Variants in WASHC4 observed in about 807,000 individuals in gnomAD.
WASHC4 encodes the protein WASH complex subunit 4, also known as WASH complex subunit 7.
A neutral mutation model predicts 166.6 loss-of-function variants in WASHC4; 86 were observed. The ratio of observed to expected loss-of-function variants is 0.52; its 90% CI spans 0.43 to 0.62. The LOEUF is 0.62. Ranked by LOEUF, WASHC4 falls within the 20% of genes least tolerant of loss-of-function variation. The probability of loss-of-function intolerance (pLI) is 0.00; values close to 1 mark genes in which losing one functional copy is unlikely to be tolerated. For synonymous variants in WASHC4, 446 were observed against 451.6 expected, an observed-to-expected ratio of 0.99 and a Z score of 0.16; for missense variants, 1,262 against 1,382.4, an observed-to-expected ratio of 0.91 and a Z score of 1.38.
rs139869275 is a variant in WASHC4, at chr12:105,124,517, G to A, written c.787-1487G>A. ...TGTTTTTGAGATGGAGTCTTGCCCTGTCACCCAGGCTGGAGTGCAGTGGCG... is the reference window on the plus strand; with the variant it reads ...TGTTTTTGAGATGGAGTCTTGCCCTATCACCCAGGCTGGAGTGCAGTGGCG... On this transcript the variant is annotated intron_variant, in intron 10 of 32. Coordinates refer to ENST00000332180, the MANE Select transcript of WASHC4 (RefSeq NM_015275.3). Among the ~76,000 whole-genome samples the A allele has an allele frequency of 5.9e-3, 904 of 151,956 alleles. 18 individuals are homozygous for A. Among genetic ancestry groups the A allele is most frequent in the African/African-American group, 0.021 (854 of 41,420 alleles).
At chr12:105,136,081 G>A (rs1001299274) in intron 14 of WASHC4, among the ~76,000 whole-genome samples, 4 of 152,138 alleles carry the variant, frequency 2.6e-5, no homozygotes, top group African/African-American at 9.6e-5. Flanking sequence ...CTAGTAGGTT[G>A]ATCAAGATGA....
chr12:105,144,307 C>T lies in WASHC4; in HGVS notation c.2031C>T (p.Cys677=), dbSNP rs749656006. ...AATAGCATTTGCTGGACAAATTATG[C>T]AAAGAAATAGAGAAAGATCTGCGAC... ...ILNEHLLDKL[C]KEIEKDLRLS... The change falls in exon 21 of 33, where the codon TGC becomes TGT. Residue 677 remains cysteine (C), a synonymous_variant. Coordinates refer to ENST00000332180, the MANE Select transcript of WASHC4 (RefSeq NM_015275.3). 1 of 1,612,228 alleles carries T rather than the reference C, an allele frequency of 6.2e-7. No individual in the cohort carries two copies. The highest frequency in any genetic ancestry group is 8.5e-7 in the Non-Finnish European group (1 of 1,178,980).
At chr12:105,120,734 T>A in intron 8 of WASHC4, 137 bp downstream of exon 8, 1 of 690,524 alleles carries the variant, frequency 1.4e-6, no homozygotes. Flanking sequence ...TTGTGTGTGT[T>A]TGCATTTGTT....
Position 105,133,907 on chromosome 12 carries a change from C to T in WASHC4, c.1326+11C>T, listed in dbSNP as rs771991618. 3.1e-6 allele frequency: 5 copies of T among 1,609,310 alleles called. No homozygotes were observed. The South Asian group carries it at 4.4e-5, about 14-fold the overall frequency. On this transcript the variant is annotated intron_variant, in intron 14 of 32. Coordinates refer to ENST00000332180, the MANE Select transcript of WASHC4 (RefSeq NM_015275.3). ...AATGTTTTTATACAGGTAGTTGCATCTTATTTCGGGGAATCATTTTTTTGT... is the reference window on the plus strand; with the variant it reads ...AATGTTTTTATACAGGTAGTTGCATTTTATTTCGGGGAATCATTTTTTTGT...
intron 13 of WASHC4, among the ~76,000 whole-genome samples, chr12:105,127,650 A>G (rs527784892): frequency 5.9e-4 from 90 of 152,250 alleles, no homozygotes; most frequent in Non-Finnish European, 8.8e-4. Context: ...GGAGAGGTTG[A>G]GTTTTTCTTG....
At chr12:105,112,007 C>T (rs1423547715) in intron 2 of WASHC4, among the ~76,000 whole-genome samples, 1 of 152,148 alleles carries the variant, frequency 6.6e-6, no homozygotes, top group African/African-American at 2.4e-5. Context: ...ACGTTCTCAG[C>T]CCCCAAAAAA....
chr12:105,152,560 C>G (rs1017516279), intron 26 of WASHC4, 109 bp downstream of exon 26: 1 of 724,566 alleles, frequency 1.4e-6, no homozygotes. Flanking sequence ...CTGAGCTCAG[C>G]TTTACTCCAC....
intron 24 of WASHC4, chr12:105,149,378 C>T (rs1176766218): frequency 4.3e-5 from 45 of 1,057,308 alleles, no homozygotes; most frequent in Non-Finnish European, 4.9e-5. Context: ...CCACTTTTTT[C>T]TTTTCTTTTT....
chr12:105,164,236 T>C lies in WASHC4; in HGVS notation c.3283T>C (p.Ser1095Pro), dbSNP rs1884670436. 1.2e-6 allele frequency: 2 copies of C among 1,613,962 alleles called. No homozygotes were observed. The highest frequency in any genetic ancestry group is 1.3e-5 in the African/African-American group (1 of 74,918). ...RAVAKQQNVQ[S>P]ASQDEKLLQT... ...AGTTGCTAAGCAACAGAATGTACAG[T>C]CAGCCAGTCAAGATGAAAAACTCTT... is the stretch of plus-strand genomic sequence containing the variant. The change falls in exon 31 of 33, where the codon TCA becomes CCA. Residue 1095 changes from serine (S) to proline (P), a missense_variant. Transcript: ENST00000332180.
At position 105,142,569 on chromosome 12, in the gene WASHC4, A is replaced by T. The variant is rs1166835716; in HGVS notation, c.1893+11A>T. ...GCAGCCAGATTACATGTAAGTAAAGAACAATATAAAGAATAATTCTATCAT... is the reference window on the plus strand; with the variant it reads ...GCAGCCAGATTACATGTAAGTAAAGTACAATATAAAGAATAATTCTATCAT... On this transcript the variant is annotated intron_variant, in intron 19 of 32. Transcript: ENST00000332180. The T allele has an allele frequency of 7.5e-7, 1 of 1,338,560 alleles. No individual in the cohort carries two copies. Among genetic ancestry groups the T allele is most frequent in the Admixed American group, 1.7e-5 (1 of 59,608 alleles). The allele number at this position is 1,338,560 out of a possible 1,614,324, so 82.9% of individuals were successfully genotyped here. A position where few individuals can be genotyped will look rare whatever the true frequency, so the allele number is the denominator to read the frequency against.
At chr12:105,114,508 A>G (rs539833494) in intron 4 of WASHC4, 81 bp downstream of exon 4, 9 of 882,732 alleles carry the variant, frequency 1.0e-5, no homozygotes, top group African/African-American at 1.7e-5. Context: ...ACAGTGTGCA[A>G]TAAATATTTA....
At chr12:105,138,262 TTAATG>T (rs766860324) in intron 15 of WASHC4, among the ~76,000 whole-genome samples, 23 of 151,352 alleles carry the variant, frequency 1.5e-4, no homozygotes, top group Non-Finnish European at 2.8e-4. Flanking sequence ...AAAAAAAAAG[TTAATG>T]TAGTGAGAGA....
chr12:105,108,809 TGATTTAC>T (rs1174184296), intron 1 of WASHC4, among the ~76,000 whole-genome samples: 2 of 152,190 alleles, frequency 1.3e-5, no homozygotes, highest in Non-Finnish European at 2.9e-5. Flanking sequence ...GAATTTTGCT[TGATTTAC>T]GAAGAGAGAC....
At chr12:105,132,162 A>C (rs768546211) in intron 13 of WASHC4, among the ~76,000 whole-genome samples, 4 of 152,140 alleles carry the variant, frequency 2.6e-5, no homozygotes, top group Admixed American at 6.5e-5. Flanking sequence ...TTGCATACTA[A>C]GTTTTTGTTT....
At chr12:105,114,117 C>T (rs545029475) in intron 2 of WASHC4, 99 bp from the exon 3 acceptor site, 64 of 1,015,580 alleles carry the variant, frequency 6.3e-5, no homozygotes, top group Middle Eastern at 3.2e-4. Flanking sequence ...CAGGATCTAA[C>T]ACAAGTTTAA....
In WASHC4 at chr12:105,140,384, T is replaced by G; in HGVS notation, c.1543T>G (p.Ser515Ala). The change falls in exon 16 of 33, where the codon TCT becomes GCT. Residue 515 changes from serine to alanine, a missense_variant. Coordinates refer to ENST00000332180, the MANE Select transcript of WASHC4 (RefSeq NM_015275.3). ...TQHLQHQALH[S>A]ISVAKKRVIS... ...GCACCTTCAACATCAGGCTCTTCAT[T>G]CTATTTCTGTGGCCAAGGTATGCAG... 6.2e-7 allele frequency: 1 copy of G among 1,611,618 alleles called. No homozygotes were observed. The highest frequency in any genetic ancestry group is 2.2e-5 in the East Asian group (1 of 44,848).
chr12:105,115,109 A>G, intron 4 of WASHC4, 75 bp from the exon 5 acceptor site: 1 of 749,716 alleles, frequency 1.3e-6, no homozygotes, highest in Non-Finnish European at 2.4e-6. Flanking sequence ...TACTAAGTAT[A>G]CAGATCTAAG....
At position 105,140,408 on chromosome 12, in the gene WASHC4, A is replaced by G; in HGVS notation, c.1560+7A>G. The G allele has an allele frequency of 6.4e-7, 1 of 1,560,898 alleles. No homozygotes were observed. The highest frequency in any genetic ancestry group is 8.8e-7 in the Non-Finnish European group (1 of 1,131,462). On this transcript the variant is annotated splice_region_variant and intron_variant, in intron 16 of 32. Coordinates refer to ENST00000332180, the MANE Select transcript of WASHC4 (RefSeq NM_015275.3). ...TTCTATTTCTGTGGCCAAGGTATGC[A>G]GCTTATTATGTATTTAGCATAAGTA...
At chr12:105,152,126 T>C (rs904995982) in intron 25 of WASHC4, among the ~76,000 whole-genome samples, 1 of 152,166 alleles carries the variant, frequency 6.6e-6, no homozygotes, top group Non-Finnish European at 1.5e-5. Context: ...GAAATTAGGT[T>C]AGTGGCATTG....
Sources: allele counts gnomAD v4.1 joint callset (sites outside exome capture counted in the v4.1 genomes callset), GRCh38; gene constraint gnomAD v4.1.1; transcripts MANE v1.5; gene names NCBI Gene and HGNC (gene_info 2026-07-23, HGNC 2026-07-21).